Variants in WDR5 observed in about 807,000 individuals in gnomAD.
WDR5 encodes the protein WD repeat-containing protein 5.
For synonymous variants in WDR5, 144 were observed against 161.6 expected, an observed-to-expected ratio of 0.89 and a Z score of 0.83; for missense variants, 187 against 416.9, an observed-to-expected ratio of 0.45 and a Z score of 4.80.
chr9:134,139,558 A>T (rs1189121185), intron 1 of WDR5, among the ~76,000 whole-genome samples: 1 of 152,182 alleles, frequency 6.6e-6, no homozygotes, highest in Non-Finnish European at 1.5e-5. Flanking sequence ...AGACTTCTGG[A>T]TAACAAAATA....
intron 8 of WDR5, 74 bp from the exon 9 acceptor site, chr9:134,151,909 A>T: frequency 6.7e-7 from 1 of 1,490,686 alleles, no homozygotes; most frequent in Non-Finnish European, 9.2e-7. Flanking sequence ...CCTAAAATTT[A>T]TATCTGACTC....
intron 8 of WDR5, among the ~76,000 whole-genome samples, chr9:134,149,564 C>T (rs1272427444): frequency 2.0e-5 from 3 of 152,188 alleles, no homozygotes; most frequent in Non-Finnish European, 4.4e-5. Context: ...CCCTCCCGGC[C>T]CCTCTGTGTG....
At chr9:134,149,390 C>T (rs796829954) in intron 8 of WDR5, among the ~76,000 whole-genome samples, 24 of 152,338 alleles carry the variant, frequency 1.6e-4, no homozygotes, top group African/African-American at 5.5e-4. Flanking sequence ...TGAGGTCATC[C>T]GGAGCCCCAC....
In WDR5 at chr9:134,159,044, C is replaced by G. The variant is rs1046170741; in HGVS notation, c.*1051C>G. 6.6e-6 allele frequency: 1 copy of G among 152,294 alleles called. No homozygotes were observed. The highest frequency in any genetic ancestry group is 6.5e-5 in the Admixed American group (1 of 15,284). 9.4% of individuals were successfully genotyped at this position (152,294 alleles called of 1,614,324 possible). On this transcript the variant is annotated 3_prime_UTR_variant, in exon 14 of 14. Coordinates refer to ENST00000358625, the MANE Select transcript of WDR5 (RefSeq NM_017588.3). The surrounding 1 kb of genome is among the most constrained non-coding windows in gnomAD (Gnocchi z 4.3). Reference sequence around the variant, plus strand: ...GGCCAGTGCTGCCCCTCGGACTCCTCGAGGGGTTGGGTGCTAAGCGCGAGC... The same window carrying G: ...GGCCAGTGCTGCCCCTCGGACTCCTGGAGGGGTTGGGTGCTAAGCGCGAGC...
chr9:134,145,267 T>C (rs994817884), intron 7 of WDR5, among the ~76,000 whole-genome samples: 1 of 151,836 alleles, frequency 6.6e-6, no homozygotes, highest in Admixed American at 6.6e-5. Context: ...ACTGGCTAAT[T>C]TTTGTATTTT....
In WDR5 at chr9:134,157,148, C is replaced by T. The variant is rs770379497; in HGVS notation, c.904+555C>T. On this transcript the variant is annotated intron_variant, in intron 13 of 13. Transcript: ENST00000358625. The surrounding 1 kb of genome is among the most constrained non-coding windows in gnomAD (Gnocchi z 5.0). ...GCATTTCCACGTCTCATGGAGCCAACGAGAGCAGGGGGTTCGAGCCCTTGT... is the reference window on the plus strand; with the variant it reads ...GCATTTCCACGTCTCATGGAGCCAATGAGAGCAGGGGGTTCGAGCCCTTGT... Among the ~76,000 whole-genome samples, 1 of 152,178 alleles carries T rather than the reference C, an allele frequency of 6.6e-6. No individual in the cohort carries two copies. Among genetic ancestry groups the T allele is most frequent in the Non-Finnish European group, 1.5e-5 (1 of 68,038 alleles).
At chr9:134,143,871 C>G (rs1208682373) in intron 7 of WDR5, among the ~76,000 whole-genome samples, 2 of 151,452 alleles carry the variant, frequency 1.3e-5, no homozygotes, top group African/African-American at 4.9e-5. Context: ...AAGAGTTAAA[C>G]TACACAGTAT....
Position 134,157,463 on chromosome 9 carries a change from C to T in WDR5, c.905-430C>T, listed in dbSNP as rs551063322. ...ATTGGGGGGAGGCGGTGGGAGTGGG[C>T]GGCTCAGGGTCCGAGGAGAAGAGGG... On this transcript the variant is annotated intron_variant, in intron 13 of 13. Transcript: ENST00000358625. This position sits in a 1 kb window ranked among gnomAD's most constrained non-coding sequence, Gnocchi z 5.0. Among the ~76,000 whole-genome samples the T allele has an allele frequency of 4.5e-3, 692 of 152,116 alleles. 3 individuals are homozygous for T. The highest frequency in any genetic ancestry group is 7.2e-3 in the Non-Finnish European group (488 of 67,954).
chr9:134,150,402 A>C (rs1391372760), intron 8 of WDR5, among the ~76,000 whole-genome samples: 1 of 152,186 alleles, frequency 6.6e-6, no homozygotes, highest in Non-Finnish European at 1.5e-5. Context: ...CCAGCAGCCA[A>C]CCCTTCAGCA....
Position 134,139,682 on chromosome 9 carries a change from C to T in WDR5, c.-58-138C>T, listed in dbSNP as rs180756581. 1.1e-4 allele frequency: 64 copies of T among 605,534 alleles called. No individual in the cohort carries two copies. In the African/African-American group the frequency reaches 1.1e-3, roughly 10 times the overall value. The allele number at this position is 605,534 out of a possible 1,614,324, so 37.5% of individuals were successfully genotyped here. The stretch of plus-strand genomic sequence containing the variant: ...AAGGACTTAGGGGAATTAATAGGGT[C>T]CTCAATTTGGAATGGTTTGTTTGCT... On this transcript the variant is annotated intron_variant, in intron 1 of 13. Coordinates refer to ENST00000358625, the MANE Select transcript of WDR5 (RefSeq NM_017588.3).
intron 9 of WDR5, among the ~76,000 whole-genome samples, chr9:134,153,625 C>T (rs943922880): frequency 3.3e-5 from 5 of 152,226 alleles, no homozygotes; most frequent in African/African-American, 9.6e-5. Flanking sequence ...TGTATGTGAC[C>T]GGGCTGAGGG....
At chr9:134,143,845 T>A (rs35985804) in intron 7 of WDR5, among the ~76,000 whole-genome samples, 5 of 148,682 alleles carry the variant, frequency 3.4e-5, no homozygotes, top group South Asian at 2.1e-4. Context: ...AAAAAAAAAA[T>A]CAAGAACAAA....
chr9:134,136,488 C>T (rs1016409616), intron 1 of WDR5, among the ~76,000 whole-genome samples: 1 of 152,166 alleles, frequency 6.6e-6, no homozygotes, highest in African/African-American at 2.4e-5. Context: ...ACTGGGTCCT[C>T]TTTCCCGCAG....
intron 10 of WDR5, 101 bp from the exon 11 acceptor site, chr9:134,155,239 C>T: frequency 1.4e-6 from 2 of 1,386,650 alleles, no homozygotes; most frequent in South Asian, 1.7e-5. Flanking sequence ...GCTTTTGCAC[C>T]TGGCGCTGAT....
chr9:134,141,727 A>C, intron 4 of WDR5, 144 bp downstream of exon 4: 1 of 977,172 alleles, frequency 1.0e-6, no homozygotes, highest in South Asian at 1.7e-5. Context: ...TTGCATCTTG[A>C]ACTTTTAACC....
intron 7 of WDR5, among the ~76,000 whole-genome samples, chr9:134,143,164 A>C (rs28415637): frequency 0.36 from 54,649 of 151,254 alleles, 11,035 homozygotes; most frequent in Non-Finnish European, 0.46. Context: ...CCTGGTGGGA[A>C]GTGTTGGAGG....
Position 134,141,603 on chromosome 9 carries a change from G to A in WDR5, c.264+20G>A. 1.9e-6 allele frequency: 3 copies of A among 1,613,666 alleles called. No homozygotes were observed. Among genetic ancestry groups the A allele is most frequent in the Admixed American group, 1.7e-5 (1 of 60,008 alleles). Reference sequence around the variant, plus strand: ...AAGCTGGTAGGTTTCAGCCCTGTGCGGTGAAGTTGACTGTTGAACAGGGTG... The same window carrying A: ...AAGCTGGTAGGTTTCAGCCCTGTGCAGTGAAGTTGACTGTTGAACAGGGTG... On this transcript the variant is annotated intron_variant, in intron 4 of 13. Transcript: ENST00000358625.
At chr9:134,156,690 C>G (rs1832759149) in intron 13 of WDR5, 97 bp downstream of exon 13, 1 of 1,191,352 alleles carries the variant, frequency 8.4e-7, no homozygotes, top group Non-Finnish European at 1.2e-6. Context: ...CCGTCGTCTT[C>G]CCCTTCCCAC....
At position 134,140,770 on chromosome 9, in the gene WDR5, C is replaced by G; in HGVS notation, c.149C>G (p.Ser50Cys). 1.2e-6 allele frequency: 2 copies of G among 1,614,182 alleles called. No homozygotes were observed. The highest frequency in any genetic ancestry group is 1.7e-6 in the Non-Finnish European group (2 of 1,180,032). ...TLAGHTKAVS[S>C]VKFSPNGEWL... ...GCTGGCCACACCAAAGCAGTGTCCT[C>G]CGTGAAATTCAGCCCGAATGGAGAG... is the stretch of plus-strand genomic sequence containing the variant. Residue 50 changes from serine (S) to cysteine (C), a missense_variant, in exon 3 of 14, where the codon TCC becomes TGC. By Grantham distance (112) the Ser-to-Cys change is moderately radical (BLOSUM62 -1). Transcript: ENST00000358625.
Sources: gnomAD v4.1 joint callset for allele counts (sites outside exome capture counted in the v4.1 genomes callset) on GRCh38, gnomAD v4.1.1 for gene constraint, Gnocchi (gnomAD v3.1) non-coding constraint, MANE v1.5 for transcripts, NCBI Gene and HGNC (gene_info 2026-07-23, HGNC 2026-07-21) for gene names.